The following CCDC7 variants were observed in gnomAD, a reference collection of about 807,000 sequenced individuals.
The protein encoded by CCDC7 is coiled-coil domain-containing protein 7.
Under a neutral mutation model 196.9 loss-of-function variants are expected in CCDC7, and 183 were observed. That is an observed-to-expected ratio of 0.93 (90% CI 0.82 to 1.05). CCDC7 has a LOEUF of 1.05. CCDC7 is among the 50% of genes least tolerant of loss of function. CCDC7 has a pLI of 0.00. For missense variants in CCDC7, 1,540 were observed against 1,482.2 expected (o/e 1.04, Z -0.64); for synonymous variants, 525 against 484.6 (o/e 1.08, Z -1.10).
intron 11 of CCDC7, among the ~76,000 whole-genome samples, chr10:32,529,078 A>G (rs1329156198): frequency 6.6e-6 from 1 of 151,878 alleles, no homozygotes; most frequent in Non-Finnish European, 1.5e-5. Context: ...CTGGAGAGCA[A>G]TGGTGTGGTC....
At chr10:32,541,510 G>C (rs931848672) in intron 11 of CCDC7, among the ~76,000 whole-genome samples, 1 of 152,224 alleles carries the variant, frequency 6.6e-6, no homozygotes, top group Non-Finnish European at 1.5e-5. Flanking sequence ...TACCCGCCTG[G>C]CTACCAGTGG....
chr10:32,515,394 G>A (rs7075553), intron 9 of CCDC7, among the ~76,000 whole-genome samples: 66,667 of 151,988 alleles, frequency 0.44, 15,240 homozygotes, highest in East Asian at 0.58. Context: ...ATGGAATAGA[G>A]TTGAAAGTCC....
intron 40 of CCDC7, among the ~76,000 whole-genome samples, chr10:32,852,332 G>T (rs1006327924): frequency 6.6e-6 from 1 of 152,074 alleles, no homozygotes; most frequent in African/African-American, 2.4e-5. Flanking sequence ...TAAATCATAT[G>T]TTTAGTTTTT....
chr10:32,545,296 T>C (rs982376524), intron 13 of CCDC7, among the ~76,000 whole-genome samples: 6 of 152,196 alleles, frequency 3.9e-5, no homozygotes, highest in Admixed American at 3.3e-4. Context: ...ATACTGATAA[T>C]ATCTAGACCT....
intron 20 of CCDC7, among the ~76,000 whole-genome samples, chr10:32,642,203 A>G (rs2066934205): frequency 6.6e-6 from 1 of 152,204 alleles, no homozygotes; most frequent in Non-Finnish European, 1.5e-5. Flanking sequence ...TTAAGTCTGC[A>G]GAGGTTTCTG....
chr10:32,828,966 G>T (rs1446220892), intron 32 of CCDC7, among the ~76,000 whole-genome samples: 2 of 152,146 alleles, frequency 1.3e-5, no homozygotes, highest in Non-Finnish European at 2.9e-5. Context: ...AATTAAACTG[G>T]AAGTTAAGAG....
At position 32,711,736 on chromosome 10, in the gene CCDC7, T is replaced by C; in HGVS notation, c.2569+6T>C. On this transcript the variant is annotated splice_donor_region_variant and intron_variant, in intron 25 of 41. Transcript: ENST00000639629. ...TGAAGGAGAAGGACGTAGCAGTAAGTATAATGATGATAGCTATTTTATATT... is the reference window on the plus strand; with the variant it reads ...TGAAGGAGAAGGACGTAGCAGTAAGCATAATGATGATAGCTATTTTATATT... 1 of 1,477,646 alleles carries C rather than the reference T, an allele frequency of 6.8e-7. No homozygotes were observed. The highest frequency in any genetic ancestry group is 9.2e-7 in the Non-Finnish European group (1 of 1,088,664). 91.5% of individuals were successfully genotyped at this position (1,477,646 alleles called of 1,614,324 possible).
chr10:32,557,900 C>T (rs1183638841), intron 13 of CCDC7, among the ~76,000 whole-genome samples: 1 of 152,118 alleles, frequency 6.6e-6, no homozygotes, highest in Non-Finnish European at 1.5e-5. Flanking sequence ...GCTATGTTGC[C>T]CAGGCTGGTC....
In CCDC7 at chr10:32,634,223, T is replaced by C. The variant is rs972754427; in HGVS notation, c.1802-31T>C. 3.0e-6 allele frequency: 3 copies of C among 986,226 alleles called. No homozygotes were observed. The African/African-American group carries it at 5.1e-5, about 17-fold the overall frequency. 61.1% of individuals were successfully genotyped at this position (986,226 alleles called of 1,614,324 possible). A position where few individuals can be genotyped will look rare whatever the true frequency, so the allele number is the denominator to read the frequency against. On this transcript the variant is annotated intron_variant, in intron 18 of 41. Coordinates refer to ENST00000639629, the Ensembl canonical transcript of CCDC7. ...ATTTCACAATAGAGCTCTTTCTCTA[T>C]TTGGTAGACTAAATGAATCTTTTTA...
intron 20 of CCDC7, among the ~76,000 whole-genome samples, chr10:32,647,360 A>G (rs1286607044): frequency 6.6e-6 from 1 of 152,116 alleles, no homozygotes; most frequent in East Asian, 1.9e-4. Context: ...TAGAAAAAAA[A>G]CAGCCAGGTG....
chr10:32,744,642 A>G (rs1436743712), intron 28 of CCDC7, among the ~76,000 whole-genome samples: 1 of 152,100 alleles, frequency 6.6e-6, no homozygotes, highest in African/African-American at 2.4e-5. Flanking sequence ...CTGTTAAGGT[A>G]TTTTGCCCAT....
At chr10:32,485,803 A>G (rs1272082964) in intron 8 of CCDC7, among the ~76,000 whole-genome samples, 2 of 152,028 alleles carry the variant, frequency 1.3e-5, no homozygotes, top group Admixed American at 6.6e-5. Context: ...GTAGTTGAGC[A>G]GTTTTGAGTG....
chr10:32,695,021 A>C (rs2077531529), intron 24 of CCDC7, 29 bp downstream of exon 25: 1 of 1,254,304 alleles, frequency 8.0e-7, no homozygotes, highest in Non-Finnish European at 1.1e-6. Context: ...GATAACTTAA[A>C]AATTTTAAAG....
intron 28 of CCDC7, among the ~76,000 whole-genome samples, chr10:32,731,911 C>A (rs575130508): frequency 6.6e-6 from 1 of 152,106 alleles, no homozygotes; most frequent in Admixed American, 6.5e-5. Flanking sequence ...AAATTAGCGG[C>A]GCATGGTGGC....
chr10:32,597,409 T>G (rs1451080599), intron 18 of CCDC7, among the ~76,000 whole-genome samples: 5 of 152,228 alleles, frequency 3.3e-5, no homozygotes, highest in Non-Finnish European at 5.9e-5. Context: ...TTTATTCTAG[T>G]TAGCCATTCG....
intron 20 of CCDC7, among the ~76,000 whole-genome samples, chr10:32,659,702 A>G (rs903699180): frequency 4.6e-5 from 7 of 152,228 alleles, no homozygotes; most frequent in Non-Finnish European, 7.3e-5. Flanking sequence ...GAAGACATAC[A>G]TGTGGCCGAC....
At chr10:32,823,736 T>C (rs1295400367) in intron 31 of CCDC7, among the ~76,000 whole-genome samples, 1 of 152,228 alleles carries the variant, frequency 6.6e-6, no homozygotes, top group Non-Finnish European at 1.5e-5. Flanking sequence ...GTAGATTTTT[T>C]AGTTTTTCCA....
At chr10:32,818,189 T>C (rs1191386223) in intron 31 of CCDC7, among the ~76,000 whole-genome samples, 2 of 152,174 alleles carry the variant, frequency 1.3e-5, no homozygotes, top group East Asian at 1.9e-4. Flanking sequence ...GTTGCAATCC[T>C]AGTTTCTGAT....
At chr10:32,458,365 A>G (rs1056943231) in intron 3 of CCDC7, among the ~76,000 whole-genome samples, 6 of 150,098 alleles carry the variant, frequency 4.0e-5, no homozygotes, top group African/African-American at 7.4e-5. Context: ...TGGGTTCTCT[A>G]TTGGGTTCCA....
Sources: allele counts gnomAD v4.1 joint callset (sites outside exome capture counted in the v4.1 genomes callset), GRCh38; gene constraint gnomAD v4.1.1; transcripts MANE v1.5; gene names NCBI Gene and HGNC (gene_info 2026-07-23, HGNC 2026-07-21).